Variants in NRG3 observed in about 807,000 individuals in gnomAD.
NRG3 encodes pro-neuregulin-3, membrane-bound isoform.
In NRG3, 31 loss-of-function variants were observed where a neutral mutation model predicts 66.9. The ratio of observed to expected loss-of-function variants is 0.46; its 90% confidence interval spans 0.35 to 0.63. The LOEUF (loss-of-function observed/expected upper bound fraction) is 0.63, where lower values mean the gene tolerates loss of function less well. NRG3 is among the 20% of genes least tolerant of loss of function. The pLI, the probability that NRG3 is intolerant of heterozygous loss-of-function variation, is 0.00. For synonymous variants in NRG3, 393 were observed against 359.4 expected (o/e 1.09, Z -1.06); for missense variants, 910 against 878.9 (o/e 1.04, Z -0.45).
chr10:82,262,141 G>T (rs1318900139), intron 1 of NRG3, among the ~76,000 whole-genome samples: 2 of 152,138 alleles, frequency 1.3e-5, no homozygotes. Flanking sequence ...TACTTACCCA[G>T]CCTTAGGTAT....
chr10:82,382,949 A>G (rs1166853034), intron 2 of NRG3, among the ~76,000 whole-genome samples: 3 of 151,950 alleles, frequency 2.0e-5, no homozygotes, highest in African/African-American at 7.2e-5. Flanking sequence ...AATGTACTTA[A>G]GACTTTAATT....
intron 1 of NRG3, among the ~76,000 whole-genome samples, chr10:82,244,854 C>T (rs1442252099): frequency 6.6e-6 from 1 of 152,046 alleles, no homozygotes; most frequent in Non-Finnish European, 1.5e-5. Context: ...CTGCTTCAGC[C>T]ACCTGAGTAG....
chr10:82,865,490 A>T, intron 4 of NRG3, 53 bp downstream of exon 4: 4 of 1,536,824 alleles, frequency 2.6e-6, no homozygotes, highest in Non-Finnish European at 3.6e-6. Flanking sequence ...AAGCTTTATG[A>T]TGTACATAGT....
At chr10:82,270,025 TA>T (rs1016070019) in intron 1 of NRG3, among the ~76,000 whole-genome samples, 1 of 152,138 alleles carries the variant, frequency 6.6e-6, no homozygotes, top group African/African-American at 2.4e-5. Context: ...GATTTTCTTG[TA>T]AAAACGACAT....
chr10:82,554,910 C>T (rs1213974861), intron 2 of NRG3, among the ~76,000 whole-genome samples: 1 of 152,124 alleles, frequency 6.6e-6, no homozygotes, highest in East Asian at 1.9e-4. Context: ...TGGGTTCTTC[C>T]TTTACACACA....
intron 1 of NRG3, among the ~76,000 whole-genome samples, chr10:82,134,348 G>A (rs2069161699): frequency 6.6e-6 from 1 of 152,116 alleles, no homozygotes; most frequent in South Asian, 2.1e-4. Context: ...CTATGTCTAG[G>A]ATGGTAATGA....
At chr10:82,752,789 C>T (rs762755079) in intron 3 of NRG3, among the ~76,000 whole-genome samples, 10 of 152,108 alleles carry the variant, frequency 6.6e-5, no homozygotes, top group East Asian at 1.9e-4. Context: ...AGCAAGAAGA[C>T]GCAGTATAAG....
At chr10:82,250,225 A>G (rs1027531153) in intron 1 of NRG3, among the ~76,000 whole-genome samples, 2 of 152,210 alleles carry the variant, frequency 1.3e-5, no homozygotes, top group African/African-American at 4.8e-5. Context: ...TTGAGGATCA[A>G]TATATCAATA....
intron 2 of NRG3, among the ~76,000 whole-genome samples, chr10:82,665,712 C>T (rs1185207206): frequency 6.6e-6 from 1 of 152,128 alleles, no homozygotes; most frequent in Non-Finnish European, 1.5e-5. Flanking sequence ...CTTCAGTGCA[C>T]CTCCACATAA....
chr10:82,121,415 C>A (rs897381250), intron 1 of NRG3, among the ~76,000 whole-genome samples: 1 of 152,110 alleles, frequency 6.6e-6, no homozygotes, highest in Non-Finnish European at 1.5e-5. Context: ...AAGAAATAGT[C>A]CCTCAAAGAG....
At chr10:82,109,789 C>T (rs2067277368) in intron 1 of NRG3, among the ~76,000 whole-genome samples, 2 of 151,996 alleles carry the variant, frequency 1.3e-5, no homozygotes, top group Admixed American at 1.3e-4. Flanking sequence ...CATAACAAGC[C>T]TTCAAATTCA....
intron 2 of NRG3, among the ~76,000 whole-genome samples, chr10:82,408,139 GAA>G (rs202214247): frequency 7.1e-6 from 1 of 140,474 alleles, no homozygotes; most frequent in Admixed American, 7.0e-5. Context: ...AAGAAAGAAA[GAA>G]AGAAAAGAAA....
chr10:82,176,422 C>T (rs2073034613), intron 1 of NRG3, among the ~76,000 whole-genome samples: 1 of 152,100 alleles, frequency 6.6e-6, no homozygotes, highest in Non-Finnish European at 1.5e-5. Flanking sequence ...GAGACCTCCT[C>T]CTGTTATATG....
At chr10:82,673,341 G>A (rs557179549) in intron 2 of NRG3, among the ~76,000 whole-genome samples, 9 of 152,172 alleles carry the variant, frequency 5.9e-5, no homozygotes, top group Non-Finnish European at 2.9e-5. Flanking sequence ...ATGGTAAATA[G>A]TAGAGGTCTT....
chr10:82,418,412 AC>A (rs1324129693), intron 2 of NRG3, among the ~76,000 whole-genome samples: 1 of 152,210 alleles, frequency 6.6e-6, no homozygotes. Context: ...ATGCAAATTA[AC>A]CAGTTTATGC....
At chr10:82,144,033 AAAAAAAAAAAGAAAAG>A (rs1366253236) in intron 1 of NRG3, among the ~76,000 whole-genome samples, 192 of 151,600 alleles carry the variant, frequency 1.3e-3, no homozygotes, top group African/African-American at 4.4e-3. Flanking sequence ...TTGTCTTAAA[AAAAAAAAAAAGAAAAG>A]AAAAAAAAAA....
At chr10:81,965,447 G>A (rs1253959357) in intron 1 of NRG3, among the ~76,000 whole-genome samples, 2 of 152,090 alleles carry the variant, frequency 1.3e-5, no homozygotes, top group Non-Finnish European at 2.9e-5. Flanking sequence ...ATATAAAATT[G>A]TAAATTTTAG....
intron 1 of NRG3, among the ~76,000 whole-genome samples, chr10:82,121,418 T>A (rs1484454436): frequency 2.0e-5 from 3 of 152,128 alleles, no homozygotes; most frequent in Non-Finnish European, 4.4e-5. Flanking sequence ...AAATAGTCCC[T>A]CAAAGAGAGA....
rs10694679 is a variant in NRG3, at chr10:82,362,548, G to GTTTTTTTTTTTTTTTTTT, written c.953+3684_953+3701dup. 5.1e-3 allele frequency among the ~76,000 whole-genome samples: 424 copies of GTTTTTTTTTTTTTTTTTT among 83,168 alleles called. 44 individuals are homozygous for GTTTTTTTTTTTTTTTTTT. Among genetic ancestry groups the GTTTTTTTTTTTTTTTTTT allele is most frequent in the Middle Eastern group, 0.018 (2 of 112 alleles). 54.6% of individuals were successfully genotyped at this position (83,168 alleles called of 152,430 possible). ...ACCACCATGCCCAGATAATTTCTGG[G>GTTTTTTTTTTTTTTTTTT]TTTTTTTTTTTTTTTTTTTTTCGTA... On this transcript the variant is annotated intron_variant, in intron 2 of 8. Transcript: ENST00000372141.
Sources: allele counts gnomAD v4.1 joint callset (sites outside exome capture counted in the v4.1 genomes callset), GRCh38; gene constraint gnomAD v4.1.1; transcripts MANE v1.5; gene names NCBI Gene and HGNC (gene_info 2026-07-23, HGNC 2026-07-21).